The following KANSL1 variants were observed in gnomAD, a reference collection of about 807,000 sequenced individuals.
The protein encoded by KANSL1 is MLL1/MLL complex subunit KANSL1.
KANSL1 carries 22 observed loss-of-function variants against 103.6 expected under a neutral mutation model. The observed-to-expected ratio is 0.21, with a 90% confidence interval of 0.15 to 0.30. The LOEUF (loss-of-function observed/expected upper bound fraction) is 0.30. KANSL1 is among the 10% of genes least tolerant of loss of function. The pLI is 1.00. For synonymous variants in KANSL1, 600 were observed against 527.6 expected (o/e 1.14, Z -1.88); for missense variants, 1,337 against 1,399.8 (o/e 0.96, Z 0.72).
chr17:46,182,815 G>A (rs1048209665), intron 1 of KANSL1, among the ~76,000 whole-genome samples: 1 of 152,204 alleles, frequency 6.6e-6, no homozygotes, highest in African/African-American at 2.4e-5. Flanking sequence ...TGCTAAAGCC[G>A]ATGCTTTTAA....
chr17:46,054,582 C>T (rs2077849707), intron 6 of KANSL1, among the ~76,000 whole-genome samples: 1 of 152,226 alleles, frequency 6.6e-6, no homozygotes, highest in Non-Finnish European at 1.5e-5. Flanking sequence ...AATGACTTCT[C>T]ATCTCACGAG....
intron 1 of KANSL1, among the ~76,000 whole-genome samples, chr17:46,204,484 T>A (rs1448102688): frequency 1.3e-5 from 2 of 152,190 alleles, no homozygotes; most frequent in Non-Finnish European, 2.9e-5. Flanking sequence ...AACAGTTATA[T>A]CTTTAATTAT....
At chr17:46,122,888 C>T (rs991955732) in intron 2 of KANSL1, among the ~76,000 whole-genome samples, 14 of 152,210 alleles carry the variant, frequency 9.2e-5, no homozygotes, top group Non-Finnish European at 1.0e-4. Flanking sequence ...CACTGAATGG[C>T]CATTCCCCTG....
At chr17:46,150,561 T>C (rs1470875578) in intron 2 of KANSL1, among the ~76,000 whole-genome samples, 1 of 152,240 alleles carries the variant, frequency 6.6e-6, no homozygotes, top group Admixed American at 6.5e-5. Flanking sequence ...AAAGAAAATA[T>C]TCCTACAACT....
chr17:46,085,290 G>A (rs1017265970), intron 3 of KANSL1, among the ~76,000 whole-genome samples: 8 of 152,078 alleles, frequency 5.3e-5, no homozygotes, highest in Non-Finnish European at 1.0e-4. Flanking sequence ...CCAAATTGCC[G>A]TTCGTCCTTC....
At chr17:46,120,243 T>G (rs962878622) in intron 2 of KANSL1, among the ~76,000 whole-genome samples, 1 of 152,204 alleles carries the variant, frequency 6.6e-6, no homozygotes, top group Non-Finnish European at 1.5e-5. Context: ...TATATCAACA[T>G]AGACAAAATC....
chr17:46,196,714 C>A, upstream of KANSL1: 2 of 259,180 alleles, frequency 7.7e-6, no homozygotes, highest in African/African-American at 2.3e-5. Context: ...TAAATGAAGT[C>A]AAAAAACAAT....
intron 1 of KANSL1, among the ~76,000 whole-genome samples, chr17:46,180,718 G>A (rs569078297): frequency 2.1e-3 from 321 of 152,138 alleles, no homozygotes; most frequent in Non-Finnish European, 3.6e-3. Flanking sequence ...AGACAGCAGA[G>A]GCCAGGTGCA....
rs555589428 is a variant in KANSL1 at position 46,176,918 on chromosome 17, C to G, written c.-89-4686G>C. 5.0e-4 allele frequency among the ~76,000 whole-genome samples: 76 copies of G among 152,228 alleles called. 1 individual carries two copies. The highest frequency in any genetic ancestry group is 1.8e-3 in the African/African-American group (74 of 41,518). The stretch of plus-strand genomic sequence containing the variant: ...TGCAGAGAACAGGAAAAAGTGACCA[C>G]TTTTTCCGAAAAAATTCCCATTCCT... On this transcript the variant is annotated intron_variant, in intron 1 of 14. Coordinates refer to ENST00000432791, the MANE Select transcript of KANSL1 (RefSeq NM_015443.4).
At chr17:46,156,176 C>T (rs1168858500) in intron 2 of KANSL1, among the ~76,000 whole-genome samples, 9 of 152,110 alleles carry the variant, frequency 5.9e-5, no homozygotes, top group African/African-American at 1.9e-4. Flanking sequence ...GGTGAAACCC[C>T]ATCTCTACTA....
At chr17:46,053,861 C>T (rs1598490585) in intron 6 of KANSL1, among the ~76,000 whole-genome samples, 3 of 152,170 alleles carry the variant, frequency 2.0e-5, no homozygotes, top group East Asian at 1.9e-4. Context: ...AGTGTACACA[C>T]GCACACGCTC....
In KANSL1 at chr17:46,039,706, T is replaced by A; in HGVS notation, c.2199A>T (p.Thr733=). ...TCCCGGCTCCCTGACACTTACTGGC[T>A]GTTGTTAGGAAGGAGCTGACCAATT... ...RHKLVSSFLT[T]AKLSHHQTRP... is the part of the protein sequence containing the mutation. The change falls in exon 8 of 15, where the codon ACA becomes ACT. Residue 733 remains threonine, a synonymous_variant. Coordinates refer to ENST00000432791, the MANE Select transcript of KANSL1 (RefSeq NM_015443.4). 1 of 1,612,758 alleles carries A rather than the reference T, an allele frequency of 6.2e-7. No homozygotes were observed. Among genetic ancestry groups the A allele is most frequent in the Non-Finnish European group, 8.5e-7 (1 of 1,179,220 alleles).
At chr17:46,046,061 C>T (rs1414681233) in intron 7 of KANSL1, 1 of 152,196 alleles carries the variant, frequency 6.6e-6, no homozygotes, top group Non-Finnish European at 1.5e-5. Context: ...GGGTAAAAAT[C>T]TGACTCCTCT....
At chr17:46,072,151 TA>T (rs1447033983) in intron 4 of KANSL1, among the ~76,000 whole-genome samples, 7 of 152,072 alleles carry the variant, frequency 4.6e-5, no homozygotes, top group Non-Finnish European at 8.8e-5. Context: ...AAGCTAAAAC[TA>T]AATAGTTTTT....
chr17:46,179,964 T>G (rs1348410191), intron 1 of KANSL1, among the ~76,000 whole-genome samples: 1 of 151,746 alleles, frequency 6.6e-6, no homozygotes, highest in East Asian at 1.9e-4. Context: ...CTTGGAAGAC[T>G]GAGACAGGAT....
At chr17:46,125,786 ATTG>A in intron 2 of KANSL1, among the ~76,000 whole-genome samples, 1 of 152,308 alleles carries the variant, frequency 6.6e-6, no homozygotes, top group South Asian at 2.1e-4. Flanking sequence ...TTCTACCATC[ATTG>A]TTGTCCATTT....
chr17:46,177,566 A>G (rs1285596956), intron 1 of KANSL1, among the ~76,000 whole-genome samples: 6 of 152,234 alleles, frequency 3.9e-5, no homozygotes, highest in Non-Finnish European at 8.8e-5. Flanking sequence ...TCATTATTAA[A>G]TGAAAAAAAG....
chr17:46,034,124 A>G (rs1307628565), intron 11 of KANSL1, 37 bp downstream of exon 11: 1 of 1,610,248 alleles, frequency 6.2e-7, no homozygotes, highest in Non-Finnish European at 8.5e-7. Flanking sequence ...AATAGCAGGA[A>G]GAATGGGGAG....
chr17:46,142,972 T>C (rs1291318097), intron 2 of KANSL1, among the ~76,000 whole-genome samples: 2 of 152,246 alleles, frequency 1.3e-5, no homozygotes, highest in African/African-American at 4.8e-5. Context: ...AGTACAAGTA[T>C]ATAGTAAAGG....
Sources: gnomAD v4.1 joint callset for allele counts (sites outside exome capture counted in the v4.1 genomes callset) on GRCh38, gnomAD v4.1.1 for gene constraint, MANE v1.5 for transcripts, NCBI Gene and HGNC (gene_info 2026-07-23, HGNC 2026-07-21) for gene names.